PFKFB3: variants seen among roughly 807,000 people sequenced by gnomAD.
The protein encoded by PFKFB3 is 6-phosphofructo-2-kinase/fructose-2,6-biphosphatase 3.
Under a neutral mutation model 68.0 loss-of-function variants are expected in PFKFB3, and 33 were observed. The ratio of observed to expected loss-of-function variants is 0.49; its 90% CI spans 0.37 to 0.65. The LOEUF (loss-of-function observed/expected upper bound fraction) is 0.65, where lower values mean the gene tolerates loss of function less well. Among genes scored for constraint, PFKFB3 ranks in the 30% least tolerant of loss-of-function variants. The probability of loss-of-function intolerance (pLI) is 0.00; values close to 1 mark genes in which losing one functional copy is unlikely to be tolerated. For missense variants in PFKFB3, 586 were observed against 712.2 expected (o/e 0.82, Z 2.02); for synonymous variants, 315 against 288.2 (o/e 1.09, Z -0.94).
rs748168563 is a variant in PFKFB3, at chr10:6,177,484, C to CTTTCTTTCTTTCTTTCT, written c.16+32474_16+32475insCTTTCTTTCTTTCTTTT. Among the ~76,000 whole-genome samples, 7 of 109,596 alleles carry CTTTCTTTCTTTCTTTCT rather than the reference C, an allele frequency of 6.4e-5. No individual in the cohort carries two copies. The East Asian group carries it at 1.2e-3, about 18-fold the overall frequency. 71.9% of individuals were successfully genotyped at this position (109,596 alleles called of 152,430 possible). On this transcript the variant is annotated intron_variant, in intron 1 of 14. Transcript: ENST00000379789. ...TCTTTCTTTCTTTCTTTCTTTCTTT[C>CTTTCTTTCTTTCTTTCT]TTTTTCTTTTCTTTCTCTCTCTCGC... is the stretch of plus-strand genomic sequence containing the variant.
At chr10:6,180,681 T>C (rs1842687610) in intron 1 of PFKFB3, among the ~76,000 whole-genome samples, 1 of 152,146 alleles carries the variant, frequency 6.6e-6, no homozygotes, top group Non-Finnish European at 1.5e-5. Flanking sequence ...TCCAGGCTGG[T>C]CTCAAACCCC....
intron 1 of PFKFB3, among the ~76,000 whole-genome samples, chr10:6,155,349 C>T (rs2131692779): frequency 6.6e-6 from 1 of 151,892 alleles, no homozygotes; most frequent in South Asian, 2.1e-4. Context: ...ACCACAGGCG[C>T]CCACCACCAC....
chr10:6,261,302 A>G, the PFKFB3 span, among the ~76,000 whole-genome samples: 7 of 152,200 alleles, frequency 4.6e-5, no homozygotes, highest in Non-Finnish European at 8.8e-5. Context: ...TGAGTAGCAA[A>G]TGGCTTTTCC....
chr10:6,156,129 ATGTGTGTGTGTGTG>A (rs112267780), intron 1 of PFKFB3, among the ~76,000 whole-genome samples: 4 of 96,860 alleles, frequency 4.1e-5, no homozygotes, highest in African/African-American at 5.7e-5. Context: ...GTACATATAT[ATGTGTGTGTGTGTG>A]TGTGTGTGTG....
intron 14 of PFKFB3, among the ~76,000 whole-genome samples, chr10:6,231,861 TG>T (rs1845769354): frequency 6.7e-6 from 1 of 149,024 alleles, no homozygotes; most frequent in Admixed American, 6.6e-5. Flanking sequence ...CATCACCTCC[TG>T]GCGGGCACCC....
intron 14 of PFKFB3, among the ~76,000 whole-genome samples, chr10:6,249,109 A>AGTTGCGGTGAGCTGAG (rs1041471550): frequency 6.7e-6 from 1 of 149,026 alleles, no homozygotes; most frequent in African/African-American, 2.5e-5. Flanking sequence ...AGAAGGTGGA[A>AGTTGCGGTGAGCTGAG]GTTGCGGTGA....
the PFKFB3 span, among the ~76,000 whole-genome samples, chr10:6,311,768 A>G: frequency 6.6e-6 from 1 of 152,164 alleles, no homozygotes; most frequent in Non-Finnish European, 1.5e-5. Context: ...GAAAAAAGAA[A>G]AAAAGAAAAT....
chr10:6,307,521 CCTTCCT>C, the PFKFB3 span, among the ~76,000 whole-genome samples: 1 of 92,812 alleles, frequency 1.1e-5, no homozygotes, highest in East Asian at 2.6e-4. Flanking sequence ...TTCCTTCCTT[CCTTCCT>C]TCCTTCCTTC....
chr10:6,147,817 TGGGGTGGTCCATACAGGGGAGCCTGAC>T (rs1564581276), intron 1 of PFKFB3, among the ~76,000 whole-genome samples: 4 of 148,178 alleles, frequency 2.7e-5, no homozygotes, highest in South Asian at 2.1e-4. Context: ...GGGATCCTGA[TGGGGTGGTCCATACAGGGGAGCCTGAC>T]GGGGTGGTCC....
At chr10:6,221,880 TC>T (rs1564635262) in intron 10 of PFKFB3, 135 bp downstream of exon 10, 1 of 624,860 alleles carries the variant, frequency 1.6e-6, no homozygotes, top group Non-Finnish European at 2.8e-6. Context: ...TGGAACTGAG[TC>T]CCCCCAAACT....
the PFKFB3 span, among the ~76,000 whole-genome samples, chr10:6,279,018 G>A: frequency 6.6e-6 from 1 of 152,228 alleles, no homozygotes; most frequent in East Asian, 1.9e-4. Context: ...AATGCATGAA[G>A]CCCTGAGTGT....
At chr10:6,176,122 A>G (rs952180735) in intron 1 of PFKFB3, among the ~76,000 whole-genome samples, 23 of 152,390 alleles carry the variant, frequency 1.5e-4, no homozygotes, top group African/African-American at 5.5e-4. Context: ...GGAATACTAC[A>G]GAAGGATGAA....
the PFKFB3 span, among the ~76,000 whole-genome samples, chr10:6,303,753 T>C: frequency 2.0e-5 from 3 of 149,372 alleles, no homozygotes; most frequent in African/African-American, 5.0e-5. Context: ...TGAGCCGAGA[T>C]TGCGCCACTG....
chr10:6,170,703 G>A (rs79006797), intron 1 of PFKFB3, among the ~76,000 whole-genome samples: 1 of 30,406 alleles, frequency 3.3e-5, no homozygotes, highest in Non-Finnish European at 2.2e-4. Context: ...GGTGGGGACA[G>A]GGTATGGAGG....
intron 1 of PFKFB3, among the ~76,000 whole-genome samples, chr10:6,183,776 C>T (rs1285493039): frequency 6.6e-6 from 1 of 151,072 alleles, no homozygotes; most frequent in African/African-American, 2.4e-5. Flanking sequence ...CAAGCTCTGC[C>T]TCCCGGGTTC....
intron 1 of PFKFB3, among the ~76,000 whole-genome samples, chr10:6,160,589 G>A (rs373498971): frequency 6.7e-4 from 102 of 152,022 alleles, no homozygotes; most frequent in African/African-American, 2.5e-3. Context: ...ATGGTGGCAC[G>A]CACCTGTAAT....
chr10:6,167,876 G>A (rs564073299), intron 1 of PFKFB3, among the ~76,000 whole-genome samples: 114 of 152,302 alleles, frequency 7.5e-4, no homozygotes, highest in African/African-American at 2.5e-3. Context: ...AGCCCTAAGC[G>A]ACACTGTAGA....
upstream of PFKFB3, among the ~76,000 whole-genome samples, chr10:6,200,341 T>G (rs76077625): frequency 4.6e-3 from 706 of 152,026 alleles, 1 homozygote; most frequent in Non-Finnish European, 7.7e-3. Context: ...GATACCCAGG[T>G]TAGTAGGAGG....
At position 6,178,417 on chromosome 10, in the gene PFKFB3, G is replaced by A. The variant is rs1177300394; in HGVS notation, c.16+33404G>A. Among the ~76,000 whole-genome samples the A allele has an allele frequency of 2.6e-5, 4 of 152,190 alleles. No individual in the cohort carries two copies. The East Asian group carries it at 7.7e-4, about 29-fold the overall frequency. On this transcript the variant is annotated intron_variant, in intron 1 of 14. Coordinates refer to the PFKFB3 transcript ENST00000379789. ...ACAGCGAAGGAGGCGTAGGACATGC[G>A]GCTGATATGGGCTTAGGGGAAACGC...
Sources: allele counts gnomAD v4.1 joint callset (sites outside exome capture counted in the v4.1 genomes callset), GRCh38; gene constraint gnomAD v4.1.1; transcripts MANE v1.5; gene names NCBI Gene and HGNC (gene_info 2026-07-23, HGNC 2026-07-21).